RPSA2: variants seen among roughly 807,000 people sequenced by gnomAD.
The protein encoded by RPSA2 is small ribosomal subunit protein uS2B.
the RPSA2 span, among the ~76,000 whole-genome samples, chr19:23,844,182 A>C: frequency 6.6e-6 from 1 of 152,104 alleles, no homozygotes; most frequent in African/African-American, 2.4e-5. Flanking sequence ...TCTATTGGTC[A>C]TTTGTATATA....
the RPSA2 span, chr19:23,758,878 C>A: frequency 7.5e-7 from 1 of 1,336,152 alleles, no homozygotes; most frequent in East Asian, 2.3e-5. Flanking sequence ...GGAGCTCGGG[C>A]TGAAGGGAGA....
chr19:23,826,978 C>A, the RPSA2 span: 1 of 605,158 alleles, frequency 1.7e-6, no homozygotes, highest in Non-Finnish European at 3.0e-6. Context: ...GTGTGAACCA[C>A]CGTGCCTGGG....
chr19:23,860,740 T>C, the RPSA2 span, among the ~76,000 whole-genome samples: 1 of 152,096 alleles, frequency 6.6e-6, no homozygotes, highest in Non-Finnish European at 1.5e-5. Flanking sequence ...ATAATAATAG[T>C]AGTAAATACA....
chr19:23,758,730 G>A, the RPSA2 span: 2 of 1,614,204 alleles, frequency 1.2e-6, no homozygotes, highest in Admixed American at 1.7e-5. Flanking sequence ...TCGGGATGTC[G>A]GACCCGACAT....
the RPSA2 span, among the ~76,000 whole-genome samples, chr19:23,789,375 T>C: frequency 6.6e-6 from 1 of 152,180 alleles, no homozygotes; most frequent in Admixed American, 6.5e-5. Flanking sequence ...TGATGTGATA[T>C]GACTCTCCTG....
At chr19:23,807,150 T>C in the RPSA2 span, among the ~76,000 whole-genome samples, 1 of 152,164 alleles carries the variant, frequency 6.6e-6, no homozygotes, top group African/African-American at 2.4e-5. Context: ...CCATACACCA[T>C]CACATTTAAT....
At chr19:23,850,439 G>A in the RPSA2 span, among the ~76,000 whole-genome samples, 1 of 92,068 alleles carries the variant, frequency 1.1e-5, no homozygotes, top group Non-Finnish European at 2.3e-5. Context: ...TTAGTTAGAG[G>A]GGTCTCCATT....
the RPSA2 span, among the ~76,000 whole-genome samples, chr19:23,847,547 G>A: frequency 6.6e-6 from 1 of 152,118 alleles, no homozygotes. Flanking sequence ...ACAGGGAGTA[G>A]GTCACAAAGA....
the RPSA2 span, among the ~76,000 whole-genome samples, chr19:23,762,002 C>T: frequency 2.1e-4 from 32 of 149,724 alleles, no homozygotes; most frequent in African/African-American, 7.4e-4. Flanking sequence ...ACTGCAACCT[C>T]TGCCTCCCGG....
chr19:23,826,218 G>T, the RPSA2 span, among the ~76,000 whole-genome samples: 1 of 149,584 alleles, frequency 6.7e-6, no homozygotes, highest in African/African-American at 2.5e-5. Flanking sequence ...TTTTGAGCTG[G>T]AGTCTTACTC....
At chr19:23,833,000 G>A in the RPSA2 span, 11 of 1,432,222 alleles carry the variant, frequency 7.7e-6, no homozygotes, top group Non-Finnish European at 7.4e-6. Flanking sequence ...AAAGCCTTTA[G>A]GCAGTCTTCA....
chr19:23,796,793 T>A, the RPSA2 span, among the ~76,000 whole-genome samples: 1 of 152,082 alleles, frequency 6.6e-6, no homozygotes, highest in Non-Finnish European at 1.5e-5. Flanking sequence ...TAATGTCTCC[T>A]GTTATTTCTA....
At chr19:23,835,882 C>T in the RPSA2 span, among the ~76,000 whole-genome samples, 2 of 152,332 alleles carry the variant, frequency 1.3e-5, no homozygotes, top group Admixed American at 1.3e-4. Flanking sequence ...GATCCATCCA[C>T]CTCAGCCTCC....
chr19:23,787,464 C>T, the RPSA2 span, among the ~76,000 whole-genome samples: 5 of 151,630 alleles, frequency 3.3e-5, no homozygotes, highest in African/African-American at 1.2e-4. Flanking sequence ...CGAAAAGCAG[C>T]CAGCCATGGT....
chr19:23,843,024 T>C, the RPSA2 span, among the ~76,000 whole-genome samples: 14 of 152,332 alleles, frequency 9.2e-5, no homozygotes, highest in East Asian at 2.7e-3. Context: ...ATGTAAAATA[T>C]GTTCTAAGTA....
the RPSA2 span, among the ~76,000 whole-genome samples, chr19:23,850,545 C>T: frequency 1.2e-4 from 18 of 150,026 alleles, no homozygotes; most frequent in African/African-American, 2.2e-4. Flanking sequence ...TGGTCTCTGA[C>T]ACAGACGTCT....
the RPSA2 span, among the ~76,000 whole-genome samples, chr19:23,869,248 C>T: frequency 1.8e-4 from 27 of 152,280 alleles, no homozygotes; most frequent in African/African-American, 6.3e-4. Context: ...TTATACTACC[C>T]CACTGGAAGG....
At chr19:23,802,068 T>C in the RPSA2 span, among the ~76,000 whole-genome samples, 1 of 152,196 alleles carries the variant, frequency 6.6e-6, no homozygotes, top group Non-Finnish European at 1.5e-5. Context: ...AGATTGAGAA[T>C]GTACAGAAAA....
chr19:23,868,662 T>C, the RPSA2 span, among the ~76,000 whole-genome samples: 21 of 152,360 alleles, frequency 1.4e-4, no homozygotes, highest in South Asian at 4.4e-3. Context: ...AAAGTTTATC[T>C]GAAATTATTA....
Sources: gnomAD v4.1 joint callset for allele counts (sites outside exome capture counted in the v4.1 genomes callset) on GRCh38, gnomAD v4.1.1 for gene constraint, MANE v1.5 for transcripts, NCBI Gene and HGNC (gene_info 2026-07-23, HGNC 2026-07-21) for gene names.